ZNF44: variants seen among roughly 807,000 people sequenced by gnomAD.
The protein encoded by ZNF44 is gonadotropin inducible transcription repressor-2.
ZNF44 carries 9 observed loss-of-function variants against 11.7 expected under a neutral mutation model. That is an observed-to-expected ratio of 0.77 (90% CI 0.46 to 1.35). ZNF44 has a LOEUF of 1.35. Ranked by LOEUF, ZNF44 falls within the 40% of genes most tolerant of loss-of-function variation. The pLI, the probability that ZNF44 is intolerant of heterozygous loss-of-function variation, is 0.00. For synonymous variants in ZNF44, 224 were observed against 242.7 expected (o/e 0.92, Z 0.72); for missense variants, 696 against 743.1 (o/e 0.94, Z 0.74).
At chr19:12,280,999 T>G (rs1967454246) in intron 1 of ZNF44, among the ~76,000 whole-genome samples, 2 of 152,186 alleles carry the variant, frequency 1.3e-5, no homozygotes, top group Non-Finnish European at 2.9e-5. Flanking sequence ...GGATTATAGT[T>G]GAGGGAAAAC....
intron 2 of ZNF44, among the ~76,000 whole-genome samples, chr19:12,275,445 G>A (rs1004073031): frequency 7.2e-5 from 11 of 152,072 alleles, no homozygotes; most frequent in African/African-American, 9.7e-5. Context: ...TCAGGAGATC[G>A]AGACCATCCT....
downstream of ZNF44, among the ~76,000 whole-genome samples, chr19:12,268,149 C>CACACAG (rs1555739621): frequency 7.0e-5 from 6 of 85,848 alleles, no homozygotes; most frequent in African/African-American, 2.0e-4. Context: ...CACACAGACA[C>CACACAG]ACACACACAC....
intron 5 of ZNF44, among the ~76,000 whole-genome samples, chr19:12,264,338 C>T (rs945739944): frequency 1.3e-5 from 2 of 152,156 alleles, no homozygotes; most frequent in Non-Finnish European, 2.9e-5. Context: ...TAAGGAGAAC[C>T]ACCTGGGTCT....
At chr19:12,265,296 G>A (rs1917684695) in intron 5 of ZNF44, among the ~76,000 whole-genome samples, 1 of 152,100 alleles carries the variant, frequency 6.6e-6, no homozygotes, top group Non-Finnish European at 1.5e-5. Context: ...GAAGTGGGAA[G>A]ATCGGTTGAG....
intron 3 of ZNF44, 26 bp from the exon 4 acceptor site, chr19:12,274,089 T>A: frequency 6.5e-7 from 1 of 1,538,996 alleles, no homozygotes; most frequent in Non-Finnish European, 8.8e-7. Context: ...AGTACATTAC[T>A]AAAGGTTTAT....
intron 3 of ZNF44, among the ~76,000 whole-genome samples, chr19:12,228,917 A>G (rs926985661): frequency 3.9e-5 from 6 of 152,164 alleles, no homozygotes; most frequent in Non-Finnish European, 8.8e-5. Context: ...GATACCTTAT[A>G]GTATTTGGCA....
Position 12,272,176 on chromosome 19 carries a change from C to A in ZNF44, c.*231G>T. The A allele has an allele frequency of 6.5e-6, 3 of 463,198 alleles. No homozygotes were observed. The highest frequency in any genetic ancestry group is 9.6e-6 in the Non-Finnish European group (3 of 312,722). The allele number at this position is 463,198 out of a possible 1,614,324, so 28.7% of individuals were successfully genotyped here. A position where few individuals can be genotyped will look rare whatever the true frequency, so the allele number is the denominator to read the frequency against. On this transcript the variant is annotated 3_prime_UTR_variant, in exon 4 of 4. Coordinates refer to ENST00000355684, the MANE Select transcript of ZNF44 (RefSeq NM_016264.4). Reference sequence around the variant, plus strand: ...TATGCCTGGCTATTTTTTTTTTTTTCCGTATTTTTAGTAGAGACAGGGTTT... The same window carrying A: ...TATGCCTGGCTATTTTTTTTTTTTTACGTATTTTTAGTAGAGACAGGGTTT...
At chr19:12,270,735 G>C (rs1966923481), downstream of ZNF44, among the ~76,000 whole-genome samples, 1 of 152,186 alleles carries the variant, frequency 6.6e-6, no homozygotes, top group African/African-American at 2.4e-5. Context: ...TTACAGGTGT[G>C]AACAAGTGTG....
chr19:12,282,497 C>A (rs1460915874), intron 1 of ZNF44, among the ~76,000 whole-genome samples: 7 of 150,136 alleles, frequency 4.7e-5, no homozygotes, highest in African/African-American at 1.7e-4. Context: ...TCTCAGCTCA[C>A]TGCAACCTCC....
downstream of ZNF44, among the ~76,000 whole-genome samples, chr19:12,246,320 AAG>A (rs1280616106): frequency 6.6e-6 from 1 of 152,224 alleles, no homozygotes; most frequent in Non-Finnish European, 1.5e-5. Flanking sequence ...CAGAAAGAAA[AAG>A]AGCAAAATAT....
rs969471771 is a variant in ZNF44, at chr19:12,233,980, T to C, written n.380+687A>G. On this transcript the variant is annotated intron_variant and non_coding_transcript_variant, in intron 2 of 3. Coordinates refer to the ZNF44 transcript ENST00000597563. ...AGGAGGTTGAGGCAGGAGAATCGCT[T>C]GAACCCAAGAGGCGGAGGTTGCAGT... Among the ~76,000 whole-genome samples the C allele has an allele frequency of 5.3e-5, 8 of 151,866 alleles. No homozygotes were observed. The South Asian group carries it at 8.3e-4, about 16-fold the overall frequency.
At chr19:12,276,148 C>G (rs186158623) in intron 1 of ZNF44, 66 bp from the exon 2 acceptor site, 439 of 1,559,300 alleles carry the variant, frequency 2.8e-4, no homozygotes, top group Non-Finnish European at 3.7e-4. Context: ...CTATACTCAC[C>G]TTCATAAACT....
chr19:12,233,310 T>C (rs1916236113), intron 2 of ZNF44, among the ~76,000 whole-genome samples: 1 of 152,166 alleles, frequency 6.6e-6, no homozygotes, highest in Admixed American at 6.5e-5. Context: ...AAAGTGCTCC[T>C]GACCAAAATA....
chr19:12,267,334 G>A (rs991011598), downstream of ZNF44, among the ~76,000 whole-genome samples: 13 of 152,162 alleles, frequency 8.5e-5, no homozygotes, highest in Admixed American at 3.3e-4. Flanking sequence ...GTGAGCCACC[G>A]TGCCCGGCCT....
At position 12,248,616 on chromosome 19, in the gene ZNF44, C is replaced by T. The variant is rs747211774; in HGVS notation, c.*249G>A. ...GTTCAGACTGAGATTTGCAATCTGGCTGAAACCTTCTCCGCCATGACTACC... is the reference window on the plus strand; with the variant it reads ...GTTCAGACTGAGATTTGCAATCTGGTTGAAACCTTCTCCGCCATGACTACC... On this transcript the variant is annotated 3_prime_UTR_variant and NMD_transcript_variant, in exon 8 of 8. Transcript: ENST00000393337. 7 of 1,303,470 alleles carry T rather than the reference C, an allele frequency of 5.4e-6. No homozygotes were observed. In the South Asian group the frequency reaches 8.5e-5, roughly 16 times the overall value. The allele number at this position is 1,303,470 out of a possible 1,614,324, so 80.7% of individuals were successfully genotyped here.
At chr19:12,235,435 C>G (rs1916346567) in intron 1 of ZNF44, among the ~76,000 whole-genome samples, 1 of 152,098 alleles carries the variant, frequency 6.6e-6, no homozygotes, top group Non-Finnish European at 1.5e-5. Context: ...CTATAAAATA[C>G]AAGAGTAAAC....
chr19:12,279,748 G>A (rs890661599), intron 1 of ZNF44, among the ~76,000 whole-genome samples: 3 of 151,200 alleles, frequency 2.0e-5, no homozygotes, highest in Admixed American at 2.0e-4. Context: ...TTCTGCAGCT[G>A]CAAGATACAA....
chr19:12,239,293 T>C (rs2438551), upstream of ZNF44, among the ~76,000 whole-genome samples: 8,605 of 152,022 alleles, frequency 0.057, 832 homozygotes, highest in African/African-American at 0.2. Flanking sequence ...TTTGTATTTT[T>C]AGTATAGACG....
intron 1 of ZNF44, among the ~76,000 whole-genome samples, chr19:12,292,866 T>TTTG (rs1555745608): frequency 9.3e-6 from 1 of 107,578 alleles, no homozygotes; most frequent in African/African-American, 3.5e-5. Flanking sequence ...TTTTTTTTTT[T>TTTG]TTTTTTTTTT....
Sources: allele counts gnomAD v4.1 joint callset (sites outside exome capture counted in the v4.1 genomes callset), GRCh38; gene constraint gnomAD v4.1.1; transcripts MANE v1.5; gene names NCBI Gene and HGNC (gene_info 2026-07-23, HGNC 2026-07-21).